The following ITGAV variants were observed in gnomAD, a reference collection of about 807,000 sequenced individuals.
The protein encoded by ITGAV is integrin alpha-V.
In ITGAV, 76 loss-of-function variants were observed where a neutral mutation model predicts 143.8. That is an observed-to-expected ratio of 0.53 (90% CI 0.44 to 0.64). The LOEUF (loss-of-function observed/expected upper bound fraction) is 0.64. Ranked by LOEUF, ITGAV falls within the 30% of genes least tolerant of loss-of-function variation. ITGAV has a pLI of 0.00. For synonymous variants in ITGAV, 453 were observed against 446.7 expected, an observed-to-expected ratio of 1.01 and a Z score of -0.18; for missense variants, 1,193 against 1,274.7, an observed-to-expected ratio of 0.94 and a Z score of 0.98.
chr2:186,595,318 A>G (rs759020273), intron 1 of ITGAV, among the ~76,000 whole-genome samples: 2 of 152,220 alleles, frequency 1.3e-5, no homozygotes, highest in Non-Finnish European at 2.9e-5. Flanking sequence ...TGGACTTGTC[A>G]TTGTTTGGCA....
intron 2 of ITGAV, among the ~76,000 whole-genome samples, chr2:186,606,154 C>T (rs1333547063): frequency 6.6e-6 from 1 of 151,782 alleles, no homozygotes; most frequent in Non-Finnish European, 1.5e-5. Flanking sequence ...TCCTGCTAAA[C>T]TTTCTTTATG....
rs1687372429 is a variant in ITGAV, at chr2:186,616,635, T to C, written c.317-5704T>C. ...CAAATAAATGCATGATAACAGTAGT[T>C]GTCTGACCTCCAAATCATTTTCTCT... On this transcript the variant is annotated intron_variant, in intron 2 of 29. Transcript: ENST00000261023. Among the ~76,000 whole-genome samples the C allele has an allele frequency of 2.0e-5, 3 of 152,212 alleles. No homozygotes were observed. The South Asian group carries it at 6.2e-4, about 31-fold the overall frequency.
In ITGAV at chr2:186,675,729, G is replaced by T; in HGVS notation, c.2820+12G>T. On this transcript the variant is annotated intron_variant, in intron 27 of 29. Coordinates refer to ENST00000261023, the MANE Select transcript of ITGAV (RefSeq NM_002210.5). ...AGACTTTTATGAATGTAAGTAGACA[G>T]GTGCAGCATTTAGCAAACATACCCA... 1.3e-6 allele frequency: 2 copies of T among 1,591,192 alleles called. No homozygotes were observed. Among genetic ancestry groups the T allele is most frequent in the Non-Finnish European group, 1.7e-6 (2 of 1,159,340 alleles).
intron 26 of ITGAV, among the ~76,000 whole-genome samples, chr2:186,674,940 G>A (rs180854487): frequency 2.1e-3 from 320 of 152,228 alleles, no homozygotes; most frequent in African/African-American, 7.4e-3. Context: ...TTAGCTGTGG[G>A]CTTTTTATCA....
chr2:186,615,287 G>T (rs1687320995), intron 2 of ITGAV, among the ~76,000 whole-genome samples: 1 of 152,090 alleles, frequency 6.6e-6, no homozygotes, highest in Admixed American at 6.5e-5. Context: ...TCTTTGTGGG[G>T]ACATATGTTT....
chr2:186,642,714 G>T (rs189354384), intron 12 of ITGAV, among the ~76,000 whole-genome samples: 12 of 150,900 alleles, frequency 8.0e-5, no homozygotes, highest in Non-Finnish European at 5.9e-5. Flanking sequence ...TTTTTTAGTA[G>T]AGCTGAGGTC....
chr2:186,636,990 GGAATGCTTACTCAGCAA>G lies in ITGAV; in HGVS notation c.758-73_758-57del, dbSNP rs1245934394. 50 of 1,202,768 alleles carry G rather than the reference GGAATGCTTACTCAGCAA, an allele frequency of 4.2e-5. No individual in the cohort carries two copies. The African/African-American group carries it at 6.9e-4, about 17-fold the overall frequency. 74.5% of individuals were successfully genotyped at this position (1,202,768 alleles called of 1,614,324 possible). A position where few individuals can be genotyped will look rare whatever the true frequency, so the allele number is the denominator to read the frequency against. ...AGGAGTTTCTTGAAAATATTTTCAA[GGAATGCTTACTCAGCAA>G]GCCTGCTGAAGATAACGTCCTTGTC... On this transcript the variant is annotated intron_variant, in intron 7 of 29. Coordinates refer to ENST00000261023, the MANE Select transcript of ITGAV (RefSeq NM_002210.5).
At position 186,658,533 on chromosome 2, in the gene ITGAV, CT is replaced by C. The variant is rs368661706; in HGVS notation, c.1720-502del. Among the ~76,000 whole-genome samples the C allele has an allele frequency of 4.5e-4, 68 of 152,170 alleles. 1 individual carries two copies. The East Asian group carries it at 8.9e-3, about 20-fold the overall frequency. On this transcript the variant is annotated intron_variant, in intron 17 of 29. Coordinates refer to ENST00000261023, the MANE Select transcript of ITGAV (RefSeq NM_002210.5). ...AAAACCCATAAACAATCAAAATAGC[CT>C]TTGACAGAATGGATAACTGAATGTA...
chr2:186,661,603 T>G (rs1688747266), intron 18 of ITGAV, among the ~76,000 whole-genome samples: 1 of 148,930 alleles, frequency 6.7e-6, no homozygotes, highest in African/African-American at 2.5e-5. Context: ...TTTTTGTTTT[T>G]TTTTTTTTTT....
At chr2:186,644,228 G>C (rs530129024) in intron 12 of ITGAV, among the ~76,000 whole-genome samples, 230 of 152,268 alleles carry the variant, frequency 1.5e-3, no homozygotes, top group African/African-American at 5.1e-3. Flanking sequence ...ACAAGCATGA[G>C]CTACCGTGGC....
intron 12 of ITGAV, among the ~76,000 whole-genome samples, chr2:186,645,185 G>T (rs1463965993): frequency 6.6e-6 from 1 of 152,150 alleles, no homozygotes; most frequent in Non-Finnish European, 1.5e-5. Flanking sequence ...TAGAGTTTCG[G>T]GATAGAGAGG....
At chr2:186,642,268 A>G (rs1315859317) in intron 12 of ITGAV, among the ~76,000 whole-genome samples, 2 of 152,186 alleles carry the variant, frequency 1.3e-5, no homozygotes. Flanking sequence ...TCTAGAGATC[A>G]CAGAATGGAT....
chr2:186,614,632 T>C (rs1687302292), intron 2 of ITGAV, among the ~76,000 whole-genome samples: 1 of 152,046 alleles, frequency 6.6e-6, no homozygotes, highest in Admixed American at 6.5e-5. Context: ...GAGTCTTTTT[T>C]CATATGCTTA....
rs892418078 is a variant in ITGAV, at chr2:186,650,548, C to T, written c.1397+663C>T. On this transcript the variant is annotated intron_variant, in intron 14 of 29. Coordinates refer to ENST00000261023, the MANE Select transcript of ITGAV (RefSeq NM_002210.5). ...ATTATTATTAACTATAGTCAATCTA[C>T]GGTGTTATTGAACACTAGAACTTCT... is the stretch of plus-strand genomic sequence containing the variant. 2.0e-5 allele frequency among the ~76,000 whole-genome samples: 3 copies of T among 151,782 alleles called. 1 individual carries two copies. Among genetic ancestry groups the T allele is most frequent in the South Asian group, 4.2e-4 (2 of 4,804 alleles).
chr2:186,637,203 TGG>T (rs1459799952), intron 8 of ITGAV, 94 bp downstream of exon 8: 1 of 1,011,352 alleles, frequency 9.9e-7, no homozygotes. Flanking sequence ...TTTGAGTGGC[TGG>T]GTGCTGTGGC....
At chr2:186,663,047 C>T (rs1403290178) in intron 18 of ITGAV, among the ~76,000 whole-genome samples, 2 of 152,244 alleles carry the variant, frequency 1.3e-5, no homozygotes, top group Admixed American at 1.3e-4. Flanking sequence ...AGCTCCTCTG[C>T]TTTTTTCCCA....
intron 2 of ITGAV, among the ~76,000 whole-genome samples, chr2:186,618,117 GTC>G (rs1687419952): frequency 6.6e-6 from 1 of 152,144 alleles, no homozygotes; most frequent in African/African-American, 2.4e-5. Flanking sequence ...TCTTCACCCA[GTC>G]TATTTACACT....
chr2:186,627,786 T>G (rs1341007472), intron 4 of ITGAV, among the ~76,000 whole-genome samples: 2 of 152,196 alleles, frequency 1.3e-5, no homozygotes, highest in African/African-American at 4.8e-5. Flanking sequence ...AGAAAAAGTT[T>G]GCTGAACCCT....
chr2:186,633,601 AATAC>A (rs1435380312), intron 6 of ITGAV, among the ~76,000 whole-genome samples: 2 of 151,188 alleles, frequency 1.3e-5, no homozygotes, highest in East Asian at 1.9e-4. Context: ...TTAAAAAGTA[AATAC>A]ATACTTTTAT....
Sources: gnomAD v4.1 joint callset for allele counts (sites outside exome capture counted in the v4.1 genomes callset) on GRCh38, gnomAD v4.1.1 for gene constraint, MANE v1.5 for transcripts, NCBI Gene and HGNC (gene_info 2026-07-23, HGNC 2026-07-21) for gene names.